Variants in FAM228B observed in about 807,000 individuals in gnomAD.
FAM228B encodes the protein protein FAM228B.
Under a neutral mutation model 42.6 loss-of-function variants are expected in FAM228B, and 38 were observed. That is an observed-to-expected ratio of 0.89 (90% confidence interval 0.69 to 1.17). The LOEUF is 1.17. FAM228B is among the 50% of genes most tolerant of loss of function. The probability of loss-of-function intolerance (pLI) is 0.00; values close to 1 mark genes in which losing one functional copy is unlikely to be tolerated. For missense variants in FAM228B, 344 were observed against 367.3 expected (o/e 0.94, Z 0.52); for synonymous variants, 109 against 122.3 (o/e 0.89, Z 0.72).
At chr2:24,143,996 C>CA (rs59639444) in intron 5 of FAM228B, among the ~76,000 whole-genome samples, 77,037 of 129,074 alleles carry the variant, frequency 0.6, 21,938 homozygotes, top group East Asian at 0.75. Context: ...CAGCAGTCTC[C>CA]AAAAAAAAAA....
upstream of FAM228B, among the ~76,000 whole-genome samples, chr2:24,118,504 A>C (rs1665993972): frequency 6.6e-6 from 1 of 152,204 alleles, no homozygotes; most frequent in East Asian, 1.9e-4. Context: ...GGTAATGGAG[A>C]AAAAGAAGGA....
chr2:24,096,146 A>AGC (rs1665493104), intron 3 of FAM228B: 1 of 152,220 alleles, frequency 6.6e-6, no homozygotes, highest in Non-Finnish European at 1.5e-5. Context: ...ATCAAAGACC[A>AGC]AAGGTAGATA....
intron 3 of FAM228B, among the ~76,000 whole-genome samples, chr2:24,117,113 C>T (rs755793120): frequency 6.1e-5 from 9 of 148,582 alleles, no homozygotes; most frequent in Non-Finnish European, 1.0e-4. Flanking sequence ...CCTCTCCGTT[C>T]AAGTGATTCT....
chr2:24,150,617 G>T (rs1273955283), intron 7 of FAM228B, among the ~76,000 whole-genome samples: 1 of 151,914 alleles, frequency 6.6e-6, no homozygotes, highest in Non-Finnish European at 1.5e-5. Flanking sequence ...TAGCGATGGG[G>T]TTTCTCCACA....
intron 3 of FAM228B, chr2:24,096,418 C>T (rs916332785): frequency 2.0e-5 from 3 of 152,148 alleles, no homozygotes; most frequent in Non-Finnish European, 4.4e-5. Context: ...CTGGAATAAA[C>T]AGTGTAGAGA....
chr2:24,148,794 G>T (rs1666954789), intron 7 of FAM228B, among the ~76,000 whole-genome samples: 1 of 151,984 alleles, frequency 6.6e-6, no homozygotes, highest in Non-Finnish European at 1.5e-5. Flanking sequence ...TCCCCTTGTT[G>T]TGCTATCATA....
chr2:24,089,657 A>G (rs542399236), intron 2 of FAM228B, among the ~76,000 whole-genome samples: 21 of 152,190 alleles, frequency 1.4e-4, no homozygotes, highest in Admixed American at 8.5e-4. Context: ...AATCCAACCT[A>G]TTGTCTTGGG....
chr2:24,105,730 A>C (rs1665686679), intron 3 of FAM228B, among the ~76,000 whole-genome samples: 1 of 152,222 alleles, frequency 6.6e-6, no homozygotes, highest in Non-Finnish European at 1.5e-5. Flanking sequence ...AAAACAATAC[A>C]GGAGCTGACA....
intron 9 of FAM228B, among the ~76,000 whole-genome samples, chr2:24,164,708 A>T (rs1312941677): frequency 1.3e-5 from 2 of 152,214 alleles, no homozygotes; most frequent in African/African-American, 4.8e-5. Flanking sequence ...AGCATAGCCA[A>T]GCCAGGCCCC....
chr2:24,082,669 A>C (rs971106083), intron 2 of FAM228B, among the ~76,000 whole-genome samples: 5 of 152,198 alleles, frequency 3.3e-5, no homozygotes, highest in African/African-American at 1.2e-4. Flanking sequence ...GTTAACATGT[A>C]CATAGGCCTC....
intron 2 of FAM228B, among the ~76,000 whole-genome samples, chr2:24,092,550 G>C: frequency 6.6e-6 from 1 of 152,106 alleles, no homozygotes; most frequent in Non-Finnish European, 1.5e-5. Context: ...CTCCAGCCTG[G>C]GTGACAGAGT....
intron 5 of FAM228B, 115 bp downstream of exon 5, chr2:24,139,565 A>T: frequency 2.0e-6 from 1 of 502,942 alleles, no homozygotes; most frequent in Non-Finnish European, 3.5e-6. Flanking sequence ...CATTTTAAGC[A>T]TAGTTTCCCA....
chr2:24,121,739 T>G (rs943059667), upstream of FAM228B, among the ~76,000 whole-genome samples: 7 of 152,160 alleles, frequency 4.6e-5, no homozygotes, highest in African/African-American at 1.7e-4. Flanking sequence ...TCACTGTATT[T>G]GTTCCAGGAG....
chr2:24,167,956 G>T (rs942109154), intron 10 of FAM228B: 1 of 379,698 alleles, frequency 2.6e-6, no homozygotes. Context: ...ATTTCTCACC[G>T]GATTTCTTTT....
At chr2:24,119,199 C>A (rs769811203), upstream of FAM228B, among the ~76,000 whole-genome samples, 23 of 152,068 alleles carry the variant, frequency 1.5e-4, no homozygotes, top group Admixed American at 3.3e-4. Flanking sequence ...CCTGCCCCAC[C>A]TACATAGCTG....
chr2:24,113,016 C>T (rs910405447), intron 3 of FAM228B, among the ~76,000 whole-genome samples: 16 of 147,944 alleles, frequency 1.1e-4, no homozygotes, highest in Non-Finnish European at 6.1e-5. Flanking sequence ...GGACTGTGCT[C>T]TGTAGTTGTT....
intron 3 of FAM228B, among the ~76,000 whole-genome samples, chr2:24,107,327 A>G (rs959226153): frequency 1.3e-5 from 2 of 152,160 alleles, no homozygotes; most frequent in Non-Finnish European, 2.9e-5. Flanking sequence ...CACAATAATA[A>G]TGGGAGACTT....
intron 8 of FAM228B, 39 bp downstream of exon 8, chr2:24,161,652 A>G (rs1312511744): frequency 8.0e-7 from 1 of 1,254,620 alleles, no homozygotes. Flanking sequence ...TTCTTTTGCT[A>G]AGATGCTAGG....
intron 3 of FAM228B, among the ~76,000 whole-genome samples, chr2:24,109,468 T>A (rs1229440808): frequency 1.3e-5 from 2 of 152,130 alleles, no homozygotes; most frequent in Admixed American, 6.6e-5. Context: ...ATTAAAGAGC[T>A]TCTGCACAGC....
Sources: allele counts gnomAD v4.1 joint callset (sites outside exome capture counted in the v4.1 genomes callset), GRCh38; gene constraint gnomAD v4.1.1; transcripts MANE v1.5; gene names NCBI Gene and HGNC (gene_info 2026-07-23, HGNC 2026-07-21).